Variants in DAB1 observed in about 807,000 individuals in gnomAD.
DAB1 encodes the protein disabled homolog 1.
DAB1 carries 15 observed loss-of-function variants against 64.6 expected under a neutral mutation model. The ratio of observed to expected loss-of-function variants is 0.23; its 90% CI spans 0.16 to 0.36. The LOEUF (loss-of-function observed/expected upper bound fraction) is 0.36, where lower values mean the gene tolerates loss of function less well. Among genes scored for constraint, DAB1 ranks in the 10% least tolerant of loss-of-function variants. The pLI is 1.00. For missense variants in DAB1, 596 were observed against 706.7 expected (o/e 0.84, Z 1.78); for synonymous variants, 235 against 251.9 (o/e 0.93, Z 0.64).
intron 1 of DAB1, among the ~76,000 whole-genome samples, chr1:57,872,907 T>C (rs1643977371): frequency 6.6e-6 from 1 of 152,100 alleles, no homozygotes; most frequent in South Asian, 2.1e-4. Context: ...AGCAGGGTGG[T>C]GTGATTGGGC....
At chr1:57,550,548 C>G (rs1205803959) in intron 7 of DAB1, among the ~76,000 whole-genome samples, 1 of 151,444 alleles carries the variant, frequency 6.6e-6, no homozygotes, top group Non-Finnish European at 1.5e-5. Flanking sequence ...AACAGGAGTC[C>G]TTCTAAAACA....
At chr1:57,713,485 G>A (rs1388321209) in intron 6 of DAB1, among the ~76,000 whole-genome samples, 1 of 152,146 alleles carries the variant, frequency 6.6e-6, no homozygotes, top group East Asian at 1.9e-4. Context: ...AAAATTAGAG[G>A]TACAGGCTTC....
intron 7 of DAB1, among the ~76,000 whole-genome samples, chr1:57,556,467 C>T (rs1409448775): frequency 6.6e-6 from 1 of 151,866 alleles, no homozygotes; most frequent in Non-Finnish European, 1.5e-5. Flanking sequence ...TTTATTATGG[C>T]CATTCTTGTA....
intron 1 of DAB1, among the ~76,000 whole-genome samples, chr1:57,338,030 G>A (rs1023282116): frequency 6.6e-6 from 1 of 151,714 alleles, no homozygotes; most frequent in Non-Finnish European, 1.5e-5. Context: ...GGTTGCCCAG[G>A]ATGGAATGCA....
intron 7 of DAB1, among the ~76,000 whole-genome samples, chr1:57,592,807 C>G (rs1000026262): frequency 6.6e-6 from 1 of 152,196 alleles, no homozygotes; most frequent in Non-Finnish European, 1.5e-5. Flanking sequence ...CTGGTGAGGG[C>G]TCTCTTCCTG....
intron 4 of DAB1, among the ~76,000 whole-genome samples, chr1:58,252,948 C>A (rs1660838188): frequency 6.6e-6 from 1 of 152,190 alleles, no homozygotes; most frequent in Non-Finnish European, 1.5e-5. Context: ...GAGCTAGTTT[C>A]TCCAACTCCA....
intron 2 of DAB1, among the ~76,000 whole-genome samples, chr1:57,273,156 G>T (rs973366214): frequency 6.6e-6 from 1 of 152,208 alleles, no homozygotes; most frequent in African/African-American, 2.4e-5. Flanking sequence ...CCACCAGATG[G>T]TAGTGAATTG....
chr1:57,309,581 C>T (rs1379967331), intron 1 of DAB1, among the ~76,000 whole-genome samples: 2 of 152,226 alleles, frequency 1.3e-5, no homozygotes, highest in East Asian at 1.9e-4. Context: ...TTCTAGGAAA[C>T]ATTTTCCTAG....
intron 5 of DAB1, among the ~76,000 whole-genome samples, chr1:58,132,229 G>T (rs893297207): frequency 1.3e-5 from 2 of 152,062 alleles, no homozygotes; most frequent in East Asian, 3.9e-4. Context: ...TTCCAGGTGC[G>T]GTCCGTCAGC....
intron 9 of DAB1, among the ~76,000 whole-genome samples, chr1:57,054,839 G>A (rs879803297): frequency 1.3e-5 from 2 of 152,134 alleles, no homozygotes; most frequent in Admixed American, 1.3e-4. Context: ...AACATGTCCA[G>A]CATTATCAGC....
At chr1:57,335,030 T>A (rs931403555) in intron 1 of DAB1, among the ~76,000 whole-genome samples, 1 of 152,218 alleles carries the variant, frequency 6.6e-6, no homozygotes, top group Non-Finnish European at 1.5e-5. Flanking sequence ...GGTTCAGAGC[T>A]ATGTCCACCC....
intron 3 of DAB1, among the ~76,000 whole-genome samples, chr1:58,406,114 G>C (rs1644613553): frequency 6.6e-6 from 1 of 152,126 alleles, no homozygotes; most frequent in Non-Finnish European, 1.5e-5. Flanking sequence ...GCAAAATTGT[G>C]GCAGAATAGG....
At chr1:58,509,913 A>G (rs6587821) in intron 2 of DAB1, among the ~76,000 whole-genome samples, 27,026 of 152,020 alleles carry the variant, frequency 0.18, 2,537 homozygotes, top group Middle Eastern at 0.23. Flanking sequence ...ATAAACTCCA[A>G]GAAATATACA....
At chr1:57,954,587 C>A (rs1336834374) in intron 5 of DAB1, among the ~76,000 whole-genome samples, 2 of 152,184 alleles carry the variant, frequency 1.3e-5, no homozygotes, top group Non-Finnish European at 2.9e-5. Context: ...ATACCCAGTA[C>A]CTGTCCTCCT....
chr1:57,563,798 G>T (rs1460300036), intron 7 of DAB1, among the ~76,000 whole-genome samples: 1 of 152,168 alleles, frequency 6.6e-6, no homozygotes, highest in South Asian at 2.1e-4. Context: ...CTGGAAGCTC[G>T]AACTAGGTGG....
At chr1:57,976,654 G>T (rs771119048) in intron 5 of DAB1, among the ~76,000 whole-genome samples, 3 of 152,156 alleles carry the variant, frequency 2.0e-5, no homozygotes, top group Non-Finnish European at 2.9e-5. Context: ...ATCACTATGT[G>T]ACACTTTTAG....
chr1:57,484,521 T>C (rs1009006017), intron 7 of DAB1, among the ~76,000 whole-genome samples: 2 of 152,156 alleles, frequency 1.3e-5, no homozygotes, highest in African/African-American at 2.4e-5. Context: ...TTGTCCTGAG[T>C]TCAAATGATG....
intron 9 of DAB1, among the ~76,000 whole-genome samples, chr1:57,028,933 T>A (rs911388323): frequency 3.3e-5 from 5 of 151,946 alleles, no homozygotes; most frequent in East Asian, 3.9e-4. Flanking sequence ...AAAAAAAAAA[T>A]TTCTGGGGAG....
chr1:57,044,129 G>T (rs895306645), intron 9 of DAB1, among the ~76,000 whole-genome samples: 9 of 152,318 alleles, frequency 5.9e-5, no homozygotes, highest in Admixed American at 2.0e-4. Context: ...TCCTCAGGGA[G>T]ACCTTCTCTG....
Sources: allele counts gnomAD v4.1 joint callset (sites outside exome capture counted in the v4.1 genomes callset), GRCh38; gene constraint gnomAD v4.1.1; transcripts MANE v1.5; gene names NCBI Gene and HGNC (gene_info 2026-07-23, HGNC 2026-07-21).